PCGF6: variants seen among roughly 807,000 people sequenced by gnomAD.
PCGF6 encodes polycomb group ring finger 6.
Under a neutral mutation model 45.5 loss-of-function variants are expected in PCGF6, and 24 were observed. The observed-to-expected ratio is 0.53, with a 90% CI of 0.38 to 0.74. PCGF6 has a LOEUF of 0.74. Among genes scored for constraint, PCGF6 ranks in the 30% least tolerant of loss-of-function variants. The probability of loss-of-function intolerance (pLI) is 0.00; values close to 1 mark genes in which losing one functional copy is unlikely to be tolerated. For synonymous variants in PCGF6, 152 were observed against 162.1 expected, an observed-to-expected ratio of 0.94 and a Z score of 0.47; for missense variants, 356 against 443.2, an observed-to-expected ratio of 0.80 and a Z score of 1.77.
chr10:103,305,995 A>G (rs1369310502), intron 9 of PCGF6, among the ~76,000 whole-genome samples: 1 of 151,892 alleles, frequency 6.6e-6, no homozygotes, highest in Non-Finnish European at 1.5e-5. Flanking sequence ...TCCAGATGCT[A>G]TGTGTCCAAG....
intron 1 of PCGF6, 117 bp from the exon 2 acceptor site, chr10:103,349,116 C>G (rs1422847199): frequency 1.3e-6 from 1 of 790,104 alleles, no homozygotes; most frequent in Non-Finnish European, 2.0e-6. Flanking sequence ...GATGTCATCT[C>G]GGTTCACTGC....
At chr10:103,321,756 C>T (rs2093198469) in intron 8 of PCGF6, among the ~76,000 whole-genome samples, 1 of 151,870 alleles carries the variant, frequency 6.6e-6, no homozygotes, top group Admixed American at 6.6e-5. Context: ...ATTGTAATTG[C>T]TGAATAGAAA....
intron 8 of PCGF6, among the ~76,000 whole-genome samples, chr10:103,316,546 G>A (rs1429915860): frequency 1.3e-5 from 2 of 152,132 alleles, no homozygotes; most frequent in African/African-American, 4.8e-5. Flanking sequence ...CACAAAGCTA[G>A]TAAATAGCAA....
intron 6 of PCGF6, among the ~76,000 whole-genome samples, chr10:103,336,319 AATGAT>A (rs2093257141): frequency 1.3e-5 from 2 of 151,522 alleles, no homozygotes; most frequent in African/African-American, 4.8e-5. Context: ...TAAACCTATA[AATGAT>A]ATATTATTTT....
chr10:103,333,235 C>A (rs1177097682), intron 7 of PCGF6, among the ~76,000 whole-genome samples: 1 of 151,930 alleles, frequency 6.6e-6, no homozygotes, highest in Non-Finnish European at 1.5e-5. Context: ...TATTCCTATG[C>A]TTTAATTCAT....
intron 9 of PCGF6, among the ~76,000 whole-genome samples, chr10:103,309,148 A>G (rs564383875): frequency 5.4e-5 from 8 of 147,540 alleles, no homozygotes; most frequent in Non-Finnish European, 1.2e-4. Flanking sequence ...TTGGGGGACT[A>G]TTGGGAAATC....
intron 1 of PCGF6, among the ~76,000 whole-genome samples, chr10:103,349,720 G>A (rs940817692): frequency 6.7e-6 from 1 of 150,228 alleles, no homozygotes; most frequent in Non-Finnish European, 1.5e-5. Context: ...TGTTTCGCCT[G>A]CCTCGGCCTC....
chr10:103,345,130 C>T lies in PCGF6; in HGVS notation c.676G>A (p.Val226Ile). Residue 226 changes from valine (V) to isoleucine (I), a missense_variant and splice_region_variant, in exon 6 of 10, where the codon GTT (valine) becomes ATT (isoleucine). Val to Ile is a conservative substitution (Grantham distance 29). Coordinates refer to ENST00000369847, the MANE Select transcript of PCGF6 (RefSeq NM_001011663.2). The stretch of plus-strand genomic sequence containing the variant: ...TTGCTTGAAGGGACTGGCTGTGGAA[C>T]AGCTATTTAATAGTCAAACAAAAAT... ...ERGLEVPKPAVPQPVPSSKGR... is the reference protein window; with the variant it reads ...ERGLEVPKPAIPQPVPSSKGR... The T allele has an allele frequency of 6.3e-7, 1 of 1,596,614 alleles. No individual in the cohort carries two copies. Among genetic ancestry groups the T allele is most frequent in the Non-Finnish European group, 8.5e-7 (1 of 1,171,632 alleles).
At chr10:103,306,547 C>T (rs1372307331) in intron 9 of PCGF6, among the ~76,000 whole-genome samples, 1 of 152,170 alleles carries the variant, frequency 6.6e-6, no homozygotes, top group African/African-American at 2.4e-5. Flanking sequence ...TCCAGTGCTG[C>T]TCTGGCTATT....
At chr10:103,347,629 T>C (rs754767403) in intron 3 of PCGF6, among the ~76,000 whole-genome samples, 179 bp from the exon 4 acceptor site, 2 of 152,194 alleles carry the variant, frequency 1.3e-5, no homozygotes, top group Admixed American at 6.6e-5. Flanking sequence ...TAAGTAAATA[T>C]ATGTAATCAT....
At chr10:103,344,273 CTT>C (rs756711163) in intron 6 of PCGF6, among the ~76,000 whole-genome samples, 11 of 139,438 alleles carry the variant, frequency 7.9e-5, no homozygotes, top group South Asian at 2.3e-4. Context: ...ATGACAAACA[CTT>C]TTTTTTTTTT....
intron 6 of PCGF6, among the ~76,000 whole-genome samples, chr10:103,337,602 A>G (rs1490350657): frequency 6.6e-6 from 1 of 152,178 alleles, no homozygotes. Flanking sequence ...TTACACATAG[A>G]AACTATAGAA....
intron 6 of PCGF6, 42 bp downstream of exon 6, chr10:103,344,982 T>C: frequency 3.7e-6 from 5 of 1,359,428 alleles, no homozygotes; most frequent in Non-Finnish European, 5.1e-6. Flanking sequence ...TTAGGACTTT[T>C]AACATTCTTT....
chr10:103,310,803 C>A (rs2093154696), intron 9 of PCGF6, among the ~76,000 whole-genome samples: 1 of 151,992 alleles, frequency 6.6e-6, no homozygotes, highest in East Asian at 1.9e-4. Context: ...TCGGGTCAAT[C>A]AATCTTCTCC....
intron 9 of PCGF6, among the ~76,000 whole-genome samples, chr10:103,310,911 A>G (rs1422766001): frequency 1.3e-5 from 2 of 151,970 alleles, no homozygotes; most frequent in Non-Finnish European, 2.9e-5. Context: ...ACGTTGTCTA[A>G]GCTGGTCTTG....
chr10:103,340,177 AG>A (rs1193850950), intron 6 of PCGF6, among the ~76,000 whole-genome samples: 12 of 37,320 alleles, frequency 3.2e-4, no homozygotes, highest in African/African-American at 4.9e-4. Flanking sequence ...ACTCTGTCTC[AG>A]GGAAAAAAAA....
intron 7 of PCGF6, among the ~76,000 whole-genome samples, chr10:103,331,516 C>T (rs976454985): frequency 2.0e-5 from 3 of 152,136 alleles, no homozygotes; most frequent in Non-Finnish European, 4.4e-5. Context: ...CCTTGGGCTC[C>T]CAACGTGCTA....
In PCGF6 at chr10:103,338,092, T is replaced by C. The variant is rs2093264569; in HGVS notation, c.783-4140A>G. Among the ~76,000 whole-genome samples, 2 of 148,354 alleles carry C rather than the reference T, an allele frequency of 1.3e-5. 1 individual carries two copies. Among genetic ancestry groups the C allele is most frequent in the South Asian group, 4.3e-4 (2 of 4,686 alleles). On this transcript the variant is annotated intron_variant, in intron 6 of 9. Coordinates refer to ENST00000369847, the MANE Select transcript of PCGF6 (RefSeq NM_001011663.2). ...AAAAAAAAAAAAAAAAAATACAAAA[T>C]TAGCTGAGCATGGTGGTGCATGTCT...
intron 9 of PCGF6, among the ~76,000 whole-genome samples, chr10:103,312,887 G>A (rs1329220029): frequency 1.3e-5 from 2 of 152,254 alleles, no homozygotes; most frequent in East Asian, 3.9e-4. Flanking sequence ...CGTGAACCCG[G>A]GAGGCGGAGC....
Sources: gnomAD v4.1 joint callset for allele counts (sites outside exome capture counted in the v4.1 genomes callset) on GRCh38, gnomAD v4.1.1 for gene constraint, MANE v1.5 for transcripts, NCBI Gene and HGNC (gene_info 2026-07-23, HGNC 2026-07-21) for gene names.